Variants in ATG5 observed in about 807,000 individuals in gnomAD.
The protein encoded by ATG5 is autophagy related 5, also known as autophagy protein 5.
In ATG5, 14 loss-of-function variants were observed where a neutral mutation model predicts 36.5. The observed-to-expected ratio is 0.38, with a 90% confidence interval of 0.25 to 0.60. The LOEUF is 0.60. Ranked by LOEUF, ATG5 falls within the 20% of genes least tolerant of loss-of-function variation. The pLI is 0.60. For synonymous variants in ATG5, 95 were observed against 101.5 expected, an observed-to-expected ratio of 0.94 and a Z score of 0.38; for missense variants, 195 against 326.7, an observed-to-expected ratio of 0.60 and a Z score of 3.11.
intron 7 of ATG5, among the ~76,000 whole-genome samples, chr6:106,197,344 G>A (rs1416768430): frequency 6.6e-6 from 1 of 152,154 alleles, no homozygotes; most frequent in Non-Finnish European, 1.5e-5. Context: ...AACACAGTGA[G>A]ACCCTGCCTT....
intron 2 of ATG5, among the ~76,000 whole-genome samples, chr6:106,315,422 T>C (rs766816146): frequency 6.6e-5 from 10 of 152,162 alleles, no homozygotes; most frequent in Non-Finnish European, 1.2e-4. Context: ...AGGCATAAAC[T>C]GGGATTATAC....
chr6:106,292,380 C>A (rs538622588), intron 4 of ATG5, among the ~76,000 whole-genome samples: 2 of 152,092 alleles, frequency 1.3e-5, no homozygotes, highest in Non-Finnish European at 2.9e-5. Flanking sequence ...AATGAGGGAC[C>A]AGCACTTCAT....
chr6:106,260,856 A>C (rs917443005), intron 5 of ATG5, among the ~76,000 whole-genome samples: 1 of 152,218 alleles, frequency 6.6e-6, no homozygotes, highest in Non-Finnish European at 1.5e-5. Flanking sequence ...TATAGCCACT[A>C]ATCAGAACTG....
At chr6:106,301,006 T>G (rs1770185851) in intron 3 of ATG5, among the ~76,000 whole-genome samples, 1 of 152,114 alleles carries the variant, frequency 6.6e-6, no homozygotes, top group African/African-American at 2.4e-5. Context: ...TAGGGTTTAC[T>G]TACAAAGTAT....
At chr6:106,245,515 C>T (rs536724497) in intron 6 of ATG5, among the ~76,000 whole-genome samples, 11 of 152,082 alleles carry the variant, frequency 7.2e-5, no homozygotes, top group Non-Finnish European at 1.6e-4. Context: ...CTTAAAATTC[C>T]CTAGCCTCAG....
At chr6:106,225,432 A>G (rs771994475) in intron 6 of ATG5, among the ~76,000 whole-genome samples, 3 of 150,522 alleles carry the variant, frequency 2.0e-5, no homozygotes, top group Non-Finnish European at 4.4e-5. Flanking sequence ...TAAGCAATAT[A>G]CTGAGTTGAA....
chr6:106,209,419 A>C (rs1171885662), intron 6 of ATG5, among the ~76,000 whole-genome samples: 1 of 152,238 alleles, frequency 6.6e-6, no homozygotes, highest in Non-Finnish European at 1.5e-5. Flanking sequence ...ATGTGAAAAA[A>C]GTCAATCTCA....
intron 7 of ATG5, among the ~76,000 whole-genome samples, chr6:106,201,471 G>A (rs556035926): frequency 3.1e-4 from 47 of 152,160 alleles, no homozygotes; most frequent in African/African-American, 1.0e-3. Context: ...CAAAATTAGC[G>A]CCATGAAACA....
chr6:106,295,118 T>C (rs553244494), intron 3 of ATG5, among the ~76,000 whole-genome samples: 49 of 152,168 alleles, frequency 3.2e-4, no homozygotes, highest in South Asian at 2.1e-3. Context: ...GTTATAGATT[T>C]AATCCAATTC....
chr6:106,294,275 A>C (rs1375312950), intron 3 of ATG5, among the ~76,000 whole-genome samples: 1 of 152,194 alleles, frequency 6.6e-6, no homozygotes, highest in African/African-American at 2.4e-5. Context: ...AAAACACATC[A>C]AATTTATCTC....
intron 5 of ATG5, among the ~76,000 whole-genome samples, chr6:106,259,028 T>A (rs1778912094): frequency 6.6e-6 from 1 of 152,216 alleles, no homozygotes; most frequent in Admixed American, 6.5e-5. Context: ...ACTCAGTAAC[T>A]ATTCTTTAAA....
intron 6 of ATG5, among the ~76,000 whole-genome samples, chr6:106,235,692 G>T (rs992756432): frequency 6.6e-6 from 1 of 152,166 alleles, no homozygotes; most frequent in African/African-American, 2.4e-5. Context: ...AGAGCACAGC[G>T]GGAAGGACAA....
intron 6 of ATG5, among the ~76,000 whole-genome samples, chr6:106,243,904 CT>C (rs35701133): frequency 0.27 from 14,912 of 54,666 alleles, 2,280 homozygotes; most frequent in South Asian, 0.38. Context: ...AGGAACCATC[CT>C]TTTTTTTTTT....
intron 1 of ATG5, among the ~76,000 whole-genome samples, chr6:106,323,104 T>C (rs7764054): frequency 6.6e-6 from 1 of 151,574 alleles, no homozygotes; most frequent in Non-Finnish European, 1.5e-5. Context: ...TGTTTGTTTG[T>C]TTTTTTGTAT....
chr6:106,235,438 G>C (rs1777860912), intron 6 of ATG5, among the ~76,000 whole-genome samples: 1 of 152,106 alleles, frequency 6.6e-6, no homozygotes, highest in Non-Finnish European at 1.5e-5. Context: ...CTGGTCGTCA[G>C]CCAACCTCCC....
At chr6:106,322,130 GAAGT>G (rs958428898) in intron 1 of ATG5, among the ~76,000 whole-genome samples, 93 of 152,252 alleles carry the variant, frequency 6.1e-4, no homozygotes, top group African/African-American at 2.2e-3. Context: ...CAATCTACTA[GAAGT>G]AAGTTTCTTG....
rs532320095 is a variant in ATG5, at chr6:106,207,537, A to T, written c.574-5448T>A. On this transcript the variant is annotated intron_variant, in intron 6 of 7. Transcript: ENST00000369076. ...GCAACACAGAGAGACCTCATCTCTT[A>T]AAAAAAAAAGAAAGAAAGAAAGAAA... Among the ~76,000 whole-genome samples, 5 of 148,786 alleles carry T rather than the reference A, an allele frequency of 3.4e-5. No homozygotes were observed. The South Asian group carries it at 1.1e-3, about 32-fold the overall frequency.
rs1255012221 is a variant in ATG5 at position 106,213,327 on chromosome 6, AC to A, written c.574-11239del. Among the ~76,000 whole-genome samples, 7 of 152,206 alleles carry A rather than the reference AC, an allele frequency of 4.6e-5. No individual in the cohort carries two copies. The East Asian group carries it at 1.3e-3, about 29-fold the overall frequency. ...GCTTGAGCACAAATTTTAACTCTGG[AC>A]TTACTGGCATTTAGAGCAAAACCAA... On this transcript the variant is annotated intron_variant, in intron 6 of 7. Coordinates refer to ENST00000369076, the MANE Select transcript of ATG5 (RefSeq NM_004849.4).
chr6:106,215,658 TA>T lies in ATG5; in HGVS notation c.574-13570del, dbSNP rs1370228168. On this transcript the variant is annotated intron_variant, in intron 6 of 7. Coordinates refer to ENST00000369076, the MANE Select transcript of ATG5 (RefSeq NM_004849.4). ...AACATAGTAAAACTATAAAATTCTT[TA>T]AAAAAAATATAAGAGGAAACCTTCG... Among the ~76,000 whole-genome samples, 8 of 151,846 alleles carry T rather than the reference TA, an allele frequency of 5.3e-5. No homozygotes were observed. In the South Asian group the frequency reaches 1.5e-3, roughly 28 times the overall value.
Sources: gnomAD v4.1 joint callset for allele counts (sites outside exome capture counted in the v4.1 genomes callset) on GRCh38, gnomAD v4.1.1 for gene constraint, MANE v1.5 for transcripts, NCBI Gene and HGNC (gene_info 2026-07-23, HGNC 2026-07-21) for gene names.